LDB2: variants seen among roughly 807,000 people sequenced by gnomAD.
LDB2 encodes LIM domain-binding protein 2.
A neutral mutation model predicts 44.3 loss-of-function variants in LDB2; 12 were observed. The ratio of observed to expected loss-of-function variants is 0.27; its 90% confidence interval spans 0.17 to 0.44. LDB2 has a LOEUF of 0.44. Ranked by LOEUF, LDB2 falls within the 20% of genes least tolerant of loss-of-function variation. The pLI, the probability that LDB2 is intolerant of heterozygous loss-of-function variation, is 1.00. For synonymous variants in LDB2, 164 were observed against 174.8 expected, an observed-to-expected ratio of 0.94 and a Z score of 0.49; for missense variants, 344 against 473.5, an observed-to-expected ratio of 0.73 and a Z score of 2.54.
chr4:16,772,267 G>A (rs1441746262), intron 1 of LDB2, among the ~76,000 whole-genome samples: 1 of 152,016 alleles, frequency 6.6e-6, no homozygotes, highest in Non-Finnish European at 1.5e-5. Context: ...TTGTTTGTTT[G>A]TCTTCTTACA....
chr4:16,817,013 T>C (rs954133131), intron 1 of LDB2, among the ~76,000 whole-genome samples: 4 of 152,130 alleles, frequency 2.6e-5, no homozygotes, highest in Admixed American at 6.5e-5. Flanking sequence ...GGCTTCAGTA[T>C]TGCATCGCCA....
At chr4:16,858,943 T>C (rs1004568495) in intron 1 of LDB2, among the ~76,000 whole-genome samples, 2 of 152,208 alleles carry the variant, frequency 1.3e-5, no homozygotes, top group African/African-American at 4.8e-5. Flanking sequence ...TGCTTCAAAT[T>C]AAGACTTTTT....
In LDB2 at chr4:16,588,785, G is replaced by C. The variant is rs771249608; in HGVS notation, c.456C>G (p.Leu152=). The change falls in exon 4 of 8, where the codon CTC becomes CTG. Residue 152 remains leucine, a synonymous_variant. Coordinates refer to ENST00000304523, the MANE Select transcript of LDB2 (RefSeq NM_001290.5). ...RLILEFTFDD[L]MRIKTWHFTI... The stretch of plus-strand genomic sequence containing the variant: ...TAAAGTGCCATGTTTTGATTCTCAT[G>C]AGATCATCAAAGGTGAACTCCAAGA... The C allele has an allele frequency of 2.2e-5, 35 of 1,613,958 alleles. No individual in the cohort carries two copies. The East Asian group carries it at 7.8e-4, about 36-fold the overall frequency.
chr4:16,650,739 A>T (rs1738046170), intron 2 of LDB2, among the ~76,000 whole-genome samples: 1 of 152,246 alleles, frequency 6.6e-6, no homozygotes, highest in Non-Finnish European at 1.5e-5. Flanking sequence ...GAGCCATCTC[A>T]AATGAGGCTC....
At chr4:16,503,629 A>C (rs1389524894) in intron 7 of LDB2, among the ~76,000 whole-genome samples, 1 of 152,196 alleles carries the variant, frequency 6.6e-6, no homozygotes, top group Non-Finnish European at 1.5e-5. Context: ...GTCACCTATC[A>C]CCACACAGGC....
At chr4:16,836,729 G>C (rs2110082058) in intron 1 of LDB2, among the ~76,000 whole-genome samples, 2 of 152,150 alleles carry the variant, frequency 1.3e-5, no homozygotes, top group East Asian at 3.9e-4. Flanking sequence ...GCTGTGCACA[G>C]AGTTTTACAC....
At chr4:16,891,304 C>CTTT (rs559119712) in intron 1 of LDB2, among the ~76,000 whole-genome samples, 12 of 77,548 alleles carry the variant, frequency 1.5e-4, no homozygotes, top group Admixed American at 3.3e-4. Flanking sequence ...CTTAAGTATT[C>CTTT]TTTTTTTTTT....
intron 5 of LDB2, among the ~76,000 whole-genome samples, chr4:16,538,704 CCAT>C (rs1732702655): frequency 6.6e-6 from 1 of 152,160 alleles, no homozygotes; most frequent in Non-Finnish European, 1.5e-5. Context: ...TTAAGTAATA[CCAT>C]CATAAGACTG....
chr4:16,646,613 C>G (rs959253508), intron 2 of LDB2, among the ~76,000 whole-genome samples: 1 of 152,144 alleles, frequency 6.6e-6, no homozygotes, highest in Non-Finnish European at 1.5e-5. Context: ...GGAGTCAAGC[C>G]CTACCAATCC....
intron 1 of LDB2, among the ~76,000 whole-genome samples, chr4:16,847,522 C>T (rs1301944482): frequency 1.3e-5 from 2 of 152,200 alleles, no homozygotes; most frequent in South Asian, 2.1e-4. Flanking sequence ...AACACCTAAA[C>T]CTCTTGCAAT....
chr4:16,530,433 A>G (rs1287397770), intron 5 of LDB2, among the ~76,000 whole-genome samples: 2 of 152,192 alleles, frequency 1.3e-5, no homozygotes, highest in African/African-American at 4.8e-5. Flanking sequence ...CTGTTTTCCA[A>G]TGCTGTTATG....
At chr4:16,772,104 C>T (rs796794703) in intron 1 of LDB2, among the ~76,000 whole-genome samples, 7 of 152,274 alleles carry the variant, frequency 4.6e-5, no homozygotes, top group African/African-American at 1.7e-4. Flanking sequence ...GAACCAGCTG[C>T]GTCCACCACC....
intron 5 of LDB2, among the ~76,000 whole-genome samples, chr4:16,584,125 CAAT>C (rs1715851362): frequency 6.6e-6 from 1 of 152,156 alleles, no homozygotes. Flanking sequence ...GCACATCAAA[CAAT>C]GATGGGTACA....
chr4:16,507,935 C>G (rs953728917), intron 7 of LDB2, among the ~76,000 whole-genome samples: 2 of 152,104 alleles, frequency 1.3e-5, no homozygotes, highest in Non-Finnish European at 2.9e-5. Context: ...TGGTCTTTGT[C>G]AAGATAAAGA....
intron 1 of LDB2, among the ~76,000 whole-genome samples, chr4:16,890,446 T>C (rs1435914029): frequency 6.6e-6 from 1 of 152,172 alleles, no homozygotes; most frequent in African/African-American, 2.4e-5. Context: ...ATTCCTCTTC[T>C]TCAGAGAGGT....
intron 5 of LDB2, among the ~76,000 whole-genome samples, chr4:16,577,801 C>G (rs1232447834): frequency 3.3e-5 from 5 of 152,082 alleles, no homozygotes; most frequent in African/African-American, 1.2e-4. Context: ...GGAGGAATCA[C>G]ATTATCTGAC....
intron 2 of LDB2, among the ~76,000 whole-genome samples, chr4:16,729,475 C>T (rs190833770): frequency 6.6e-6 from 1 of 152,054 alleles, no homozygotes; most frequent in Non-Finnish European, 1.5e-5. Context: ...CAAAACACAC[C>T]GGCTCAGCCA....
Position 16,558,905 on chromosome 4 carries a change from T to C in LDB2, c.615+27017A>G, listed in dbSNP as rs551872109. Among the ~76,000 whole-genome samples the C allele has an allele frequency of 3.5e-3, 530 of 152,284 alleles. 6 individuals carry two copies. The highest frequency in any genetic ancestry group is 0.012 in the African/African-American group (504 of 41,546). On this transcript the variant is annotated intron_variant, in intron 5 of 7. Transcript: ENST00000304523. ...GCCAGAAGAGAGTGGGGGCCAATATTCAACATTCTTAAAGAAAAGAATTTT... is the reference window on the plus strand; with the variant it reads ...GCCAGAAGAGAGTGGGGGCCAATATCCAACATTCTTAAAGAAAAGAATTTT...
At position 16,797,004 on chromosome 4, in the gene LDB2, C is replaced by A. The variant is rs533008266; in HGVS notation, c.133-37744G>T. ...TGACCAAATGCAACGTGGTATTGTG[C>A]AGGGAAGCCTGAAAATATTATGAAA... On this transcript the variant is annotated intron_variant, in intron 1 of 7. Transcript: ENST00000304523. Among the ~76,000 whole-genome samples the A allele has an allele frequency of 9.2e-5, 14 of 152,210 alleles. No homozygotes were observed. The South Asian group carries it at 2.7e-3, about 29-fold the overall frequency.
Sources: allele counts gnomAD v4.1 joint callset (sites outside exome capture counted in the v4.1 genomes callset), GRCh38; gene constraint gnomAD v4.1.1; transcripts MANE v1.5; gene names NCBI Gene and HGNC (gene_info 2026-07-23, HGNC 2026-07-21).